NID1: variants seen among roughly 807,000 people sequenced by gnomAD.
NID1 encodes nidogen-1.
A neutral mutation model predicts 130.6 loss-of-function variants in NID1; 76 were observed. The ratio of observed to expected loss-of-function variants is 0.58; its 90% CI spans 0.48 to 0.70. NID1 has a LOEUF of 0.70. NID1 is among the 30% of genes least tolerant of loss of function. The probability of loss-of-function intolerance (pLI) is 0.00; values close to 1 mark genes in which losing one functional copy is unlikely to be tolerated. For synonymous variants in NID1, 665 were observed against 675.1 expected (o/e 0.98, Z 0.23); for missense variants, 1,517 against 1,664.8 (o/e 0.91, Z 1.54).
At chr1:235,987,169 A>C (rs548470738) in intron 14 of NID1, among the ~76,000 whole-genome samples, 4 of 152,292 alleles carry the variant, frequency 2.6e-5, no homozygotes, top group African/African-American at 9.6e-5. Flanking sequence ...AAGGCAAATC[A>C]ATTACCTGCC....
intron 6 of NID1, among the ~76,000 whole-genome samples, chr1:236,030,683 C>T (rs1325975169): frequency 6.6e-6 from 1 of 152,200 alleles, no homozygotes; most frequent in Non-Finnish European, 1.5e-5. Flanking sequence ...TATTTACTAT[C>T]TGGCCCTTTG....
intron 1 of NID1, among the ~76,000 whole-genome samples, chr1:236,055,301 C>T (rs1186613136): frequency 1.3e-5 from 2 of 151,336 alleles, no homozygotes; most frequent in East Asian, 3.9e-4. Flanking sequence ...AAGACTCCAT[C>T]TCAAAAATAA....
At chr1:236,022,801 A>G (rs10927280) in intron 9 of NID1, among the ~76,000 whole-genome samples, 90,222 of 150,410 alleles carry the variant, frequency 0.6, 28,081 homozygotes, top group East Asian at 0.76. Flanking sequence ...GGCAGCTCAC[A>G]CCTGTAATCC....
chr1:235,978,682 T>A (rs1657343459), intron 19 of NID1, among the ~76,000 whole-genome samples: 1 of 152,214 alleles, frequency 6.6e-6, no homozygotes, highest in Admixed American at 6.5e-5. Context: ...TTAGGCCAGA[T>A]GGATGGACTT....
intron 1 of NID1, chr1:236,064,618 G>C (rs1004846737): frequency 1.9e-6 from 1 of 531,810 alleles, no homozygotes; most frequent in South Asian, 1.9e-5. Context: ...CCGGGGTCAC[G>C]GCCCGGGGCG....
intron 5 of NID1, among the ~76,000 whole-genome samples, chr1:236,037,709 ACT>A (rs1259919645): frequency 1.3e-5 from 2 of 151,958 alleles, no homozygotes; most frequent in African/African-American, 4.8e-5. Context: ...AATTAGAGAG[ACT>A]CTAAGAAAAA....
chr1:235,981,790 T>A lies in NID1; in HGVS notation c.3056-8A>T. ...CTTCTGGACTTCCAAGATCTAGAAG[T>A]AAACACAGAGCTCCTCTAATTTTTT... On this transcript the variant is annotated splice_region_variant and splice_polypyrimidine_tract_variant and intron_variant, in intron 15 of 19. Transcript: ENST00000264187. 6.3e-7 allele frequency: 1 copy of A among 1,594,082 alleles called. No homozygotes were observed. Among genetic ancestry groups the A allele is most frequent in the Non-Finnish European group, 8.5e-7 (1 of 1,170,142 alleles).
At chr1:236,050,017 C>CAAG in intron 1 of NID1, among the ~76,000 whole-genome samples, 1 of 142,934 alleles carries the variant, frequency 7.0e-6, no homozygotes, top group Non-Finnish European at 1.5e-5. Context: ...GCCTGGGCAA[C>CAAG]AGAGCAAGAC....
chr1:236,038,779 CCTATGCT>C (rs1453813656), intron 4 of NID1, among the ~76,000 whole-genome samples: 2 of 115,794 alleles, frequency 1.7e-5, no homozygotes, highest in African/African-American at 3.8e-5. Flanking sequence ...ATATATATTA[CCTATGCT>C]ATATAGGTCA....
At chr1:235,992,310 C>T (rs1553341946) in intron 13 of NID1, among the ~76,000 whole-genome samples, 1 of 152,190 alleles carries the variant, frequency 6.6e-6, no homozygotes, top group East Asian at 1.9e-4. Context: ...GAAATCCATC[C>T]GTTTCTCACC....
rs1468917679 is a variant in NID1 at position 236,045,506 on chromosome 1, C to T, written c.703G>A (p.Ala235Thr). 4 of 1,614,030 alleles carry T rather than the reference C, an allele frequency of 2.5e-6. No homozygotes were observed. The African/African-American group carries it at 5.3e-5, about 22-fold the overall frequency. ...CTGTCATTAGCAAATATGTTATAAG[C>T]TCCGTTGCTCTTCCATAAGAATCCC... is the stretch of plus-strand genomic sequence containing the variant. ...SVGFLWKSNG[A>T]YNIFANDRES... Residue 235 changes from alanine to threonine, a missense_variant, in exon 3 of 20, where the codon GCT becomes ACT. Ala to Thr is a moderately conservative substitution (Grantham distance 58). Around this residue, in one of 3 missense-constraint regions of NID1, gnomAD observed 1,329 missense variants for 1,429.2 expected, o/e 0.93. Coordinates refer to ENST00000264187, the MANE Select transcript of NID1 (RefSeq NM_002508.3).
intron 14 of NID1, among the ~76,000 whole-genome samples, chr1:235,989,773 A>G (rs1175769217): frequency 6.6e-6 from 1 of 152,244 alleles, no homozygotes; most frequent in Non-Finnish European, 1.5e-5. Flanking sequence ...AGAAATTTGC[A>G]TGAAGTGAGG....
chr1:235,981,679 C>T lies in NID1; in HGVS notation c.3159G>A (p.Thr1053=), dbSNP rs776779725. 26 of 1,614,114 alleles carry T rather than the reference C, an allele frequency of 1.6e-5. No homozygotes were observed. The highest frequency in any genetic ancestry group is 1.1e-4 in the East Asian group (5 of 44,898). The change falls in exon 16 of 20, where the codon ACG becomes ACA. Residue 1053 remains threonine, a synonymous_variant. Transcript: ENST00000264187. ...DRIEVAKLDG[T]QRRVLFETDL... is the part of the protein sequence containing the mutation. Reference sequence around the variant, plus strand: ...CAGTCTCAAAGAGCACCCGGCGCTGCGTGCCGTCCAGCTTCGCCACTTCTA... The same window carrying T: ...CAGTCTCAAAGAGCACCCGGCGCTGTGTGCCGTCCAGCTTCGCCACTTCTA...
At chr1:235,997,601 CTTT>C (rs11325487) in intron 12 of NID1, among the ~76,000 whole-genome samples, 7 of 127,598 alleles carry the variant, frequency 5.5e-5, no homozygotes, top group East Asian at 2.3e-4. Flanking sequence ...AGTTCCATTA[CTTT>C]TTTTTTTTTT....
In NID1 at chr1:236,032,464, C is replaced by A. The variant is rs1659126482; in HGVS notation, c.1474G>T (p.Gly492Cys). ...ACTGCAAACATCCATCCAATGATGC[C>A]TCCAACTGGGGCCAGTGGAAGCAGA... ...YSLLPLAPVGGIIGWMFAVEQ... is the reference protein window; with the variant it reads ...YSLLPLAPVGCIIGWMFAVEQ... Residue 492 changes from glycine to cysteine, a missense_variant, in exon 6 of 20, where the codon GGC becomes TGC. Coordinates refer to ENST00000264187, the MANE Select transcript of NID1 (RefSeq NM_002508.3). 1 of 1,614,066 alleles carries A rather than the reference C, an allele frequency of 6.2e-7. No individual in the cohort carries two copies. The highest frequency in any genetic ancestry group is 8.5e-7 in the Non-Finnish European group (1 of 1,180,048).
At chr1:236,032,349 C>G in intron 6 of NID1, 52 bp downstream of exon 6, 1 of 1,589,056 alleles carries the variant, frequency 6.3e-7, no homozygotes, top group Non-Finnish European at 8.6e-7. Flanking sequence ...CCCAGGCCTC[C>G]CCCTAGGCAC....
intron 14 of NID1, among the ~76,000 whole-genome samples, 168 bp from the exon 15 acceptor site, chr1:235,985,673 G>GA (rs1335367225): frequency 2.0e-5 from 3 of 151,848 alleles, no homozygotes; most frequent in African/African-American, 7.3e-5. Context: ...GTATATTTCA[G>GA]AAAAAACTCC....
chr1:236,040,088 C>T (rs948012378), intron 4 of NID1, among the ~76,000 whole-genome samples: 1 of 152,158 alleles, frequency 6.6e-6, no homozygotes, highest in Non-Finnish European at 1.5e-5. Context: ...GATATGGTCT[C>T]ATTCAAATGT....
At chr1:236,010,155 C>A (rs1180972696) in intron 12 of NID1, among the ~76,000 whole-genome samples, 2 of 152,174 alleles carry the variant, frequency 1.3e-5, no homozygotes, top group Non-Finnish European at 1.5e-5. Context: ...ATAAACTCTT[C>A]TCTATGTAAC....
Sources: allele counts gnomAD v4.1 joint callset (sites outside exome capture counted in the v4.1 genomes callset), GRCh38; gene constraint gnomAD v4.1.1; regional missense constraint gnomAD v4.1.1; transcripts MANE v1.5; gene names NCBI Gene and HGNC (gene_info 2026-07-23, HGNC 2026-07-21).